The following C6orf52 variants were observed in gnomAD, a reference collection of about 807,000 sequenced individuals.
C6orf52 encodes the protein chromosome 6 open reading frame 52.
A neutral mutation model predicts 16.6 loss-of-function variants in C6orf52; 16 were observed. The ratio of observed to expected loss-of-function variants is 0.96; its 90% CI spans 0.65 to 1.46. C6orf52 has a LOEUF of 1.46. Among genes scored for constraint, C6orf52 ranks in the 40% most tolerant of loss-of-function variants. The probability of loss-of-function intolerance (pLI) is 0.00; values close to 1 mark genes in which losing one functional copy is unlikely to be tolerated. For missense variants in C6orf52, 166 were observed against 182.3 expected (o/e 0.91, Z 0.52); for synonymous variants, 53 against 61.4 (o/e 0.86, Z 0.64).
rs1404482371 is a variant in C6orf52, at chr6:10,671,426, A to G, written c.*30T>C. On this transcript the variant is annotated 3_prime_UTR_variant, in exon 5 of 5. Transcript: ENST00000259983. ...AACAAAAGACGACACAATTAGTATG[A>G]TAATTGCGGAGTTTAATGAACACCT... The G allele has an allele frequency of 1.1e-5, 16 of 1,505,416 alleles. No homozygotes were observed. The Admixed American group carries it at 2.0e-4, about 19-fold the overall frequency. 93.3% of individuals were successfully genotyped at this position (1,505,416 alleles called of 1,614,324 possible).
In C6orf52 at chr6:10,671,612, T is replaced by C. The variant is rs934979761; in HGVS notation, c.317-14A>G. 1.3e-6 allele frequency: 2 copies of C among 1,509,028 alleles called. No homozygotes were observed. Among genetic ancestry groups the C allele is most frequent in the African/African-American group, 2.8e-5 (2 of 70,586 alleles). The allele number at this position is 1,509,028 out of a possible 1,614,324, so 93.5% of individuals were successfully genotyped here. A position where few individuals can be genotyped will look rare whatever the true frequency, so the allele number is the denominator to read the frequency against. On this transcript the variant is annotated splice_polypyrimidine_tract_variant and intron_variant, in intron 4 of 4. Transcript: ENST00000259983. ...GAAGATGTGGATCTGCAGAAGCCAA[T>C]AATGGATATGAAAAAAATAGAGTTT...
At chr6:10,687,450 T>C (rs1768951572) in intron 2 of C6orf52, 30 bp downstream of exon 2, 4 of 1,452,632 alleles carry the variant, frequency 2.8e-6, no homozygotes, top group Non-Finnish European at 3.8e-6. Flanking sequence ...GTAACAGCTT[T>C]CCTTTTCAAA....
At chr6:10,678,640 G>A (rs939286024) in intron 4 of C6orf52, among the ~76,000 whole-genome samples, 5 of 152,088 alleles carry the variant, frequency 3.3e-5, no homozygotes, top group African/African-American at 1.2e-4. Context: ...GTTTCCCAGT[G>A]CATATAAAAG....
chr6:10,688,828 T>C (rs1769055734), intron 1 of C6orf52, among the ~76,000 whole-genome samples: 1 of 152,262 alleles, frequency 6.6e-6, no homozygotes, highest in African/African-American at 2.4e-5. Flanking sequence ...TGTTTTGTTT[T>C]TGAGATGGAG....
At chr6:10,686,387 C>T (rs1474321249) in intron 3 of C6orf52, among the ~76,000 whole-genome samples, 1 of 151,948 alleles carries the variant, frequency 6.6e-6, no homozygotes, top group Non-Finnish European at 1.5e-5. Context: ...ACAGTACTTT[C>T]TTCTAAGTGG....
rs200505624 is a variant in C6orf52 at position 10,687,147 on chromosome 6, C to T, written c.89G>A (p.Arg30Lys). Residue 30 changes from arginine to lysine, a missense_variant, in exon 3 of 5, where the codon AGA (arginine) becomes AAA (lysine). By Grantham distance (26) the Arg-to-Lys change is conservative. Coordinates refer to ENST00000259983, the MANE Select transcript of C6orf52 (RefSeq NM_001145020.3). Reference protein sequence around the residue: ...CYWQSLPSAIRVKQEFQPSQS... With the variant: ...CYWQSLPSAIKVKQEFQPSQS... ...GCTGGGCTGGAACTCCTGCTTCACT[C>T]TAATAGCAGAGGGGAGACTACAGGA... is the stretch of plus-strand genomic sequence containing the variant. 7 of 1,550,448 alleles carry T rather than the reference C, an allele frequency of 4.5e-6. No individual in the cohort carries two copies. In the Admixed American group the frequency reaches 1.4e-4, roughly 30 times the overall value.
At chr6:10,683,072 G>A (rs41271793) in intron 4 of C6orf52, 115 bp downstream of exon 4, 13,591 of 660,660 alleles carry the variant, frequency 0.021, 200 homozygotes, top group Non-Finnish European at 0.026. Flanking sequence ...TATGGCTTAG[G>A]CAACCTACAT....
chr6:10,679,260 C>T (rs940054194), intron 4 of C6orf52, among the ~76,000 whole-genome samples: 12 of 151,532 alleles, frequency 7.9e-5, no homozygotes, highest in Non-Finnish European at 1.0e-4. Flanking sequence ...GCCAACATGG[C>T]GAAACCCCAT....
intron 1 of C6orf52, among the ~76,000 whole-genome samples, chr6:10,692,258 G>A (rs1769385716): frequency 6.6e-6 from 1 of 152,190 alleles, no homozygotes; most frequent in African/African-American, 2.4e-5. Context: ...AAGATAAAAT[G>A]TGAAACTTAC....
intron 4 of C6orf52, among the ~76,000 whole-genome samples, chr6:10,682,788 C>A (rs558824693): frequency 6.6e-6 from 1 of 152,342 alleles, no homozygotes; most frequent in East Asian, 1.9e-4. Context: ...CAGACTGACA[C>A]TACAGTGCTG....
chr6:10,685,599 C>G (rs58147573), intron 3 of C6orf52, among the ~76,000 whole-genome samples: 1 of 152,046 alleles, frequency 6.6e-6, no homozygotes, highest in African/African-American at 2.4e-5. Flanking sequence ...GGGGGAAGTC[C>G]GTAACATTTA....
At chr6:10,689,277 G>A (rs560861122) in intron 1 of C6orf52, among the ~76,000 whole-genome samples, 1 of 152,342 alleles carries the variant, frequency 6.6e-6, no homozygotes, top group Non-Finnish European at 1.5e-5. Flanking sequence ...GGCCTCCCAA[G>A]TATTTTCAGT....
chr6:10,676,009 G>T (rs1767844079), intron 4 of C6orf52, among the ~76,000 whole-genome samples: 1 of 150,912 alleles, frequency 6.6e-6, no homozygotes, highest in Admixed American at 6.6e-5. Flanking sequence ...GCGAGTGCCT[G>T]TAATCCCAGC....
chr6:10,687,323 C>A (rs1490343954), intron 2 of C6orf52, among the ~76,000 whole-genome samples, 157 bp downstream of exon 2: 1 of 151,940 alleles, frequency 6.6e-6, no homozygotes, highest in Non-Finnish European at 1.5e-5. Context: ...AGCAAACCAC[C>A]ATGGCACGTG....
At chr6:10,687,838 C>T (rs915364348) in intron 1 of C6orf52, among the ~76,000 whole-genome samples, 4 of 152,030 alleles carry the variant, frequency 2.6e-5, no homozygotes, top group Admixed American at 1.3e-4. Flanking sequence ...TGTCAGGCAG[C>T]GGGAGCCAGC....
chr6:10,684,015 A>G (rs541615505), intron 3 of C6orf52, among the ~76,000 whole-genome samples: 1 of 152,352 alleles, frequency 6.6e-6, no homozygotes, highest in Non-Finnish European at 1.5e-5. Flanking sequence ...TGAGAGCCAA[A>G]GATCTACTAT....
intron 1 of C6orf52, among the ~76,000 whole-genome samples, chr6:10,690,193 G>C (rs757666439): frequency 6.6e-5 from 10 of 152,160 alleles, no homozygotes; most frequent in Non-Finnish European, 1.5e-4. Context: ...CAAGATCCCA[G>C]GGTAAAGATG....
At chr6:10,676,939 G>C (rs983302776) in intron 4 of C6orf52, among the ~76,000 whole-genome samples, 4 of 152,102 alleles carry the variant, frequency 2.6e-5, no homozygotes, top group African/African-American at 9.7e-5. Flanking sequence ...CTTGCATAGC[G>C]TGCAAATATT....
chr6:10,680,896 G>A (rs1020719066), intron 4 of C6orf52, among the ~76,000 whole-genome samples: 1 of 152,116 alleles, frequency 6.6e-6, no homozygotes, highest in Non-Finnish European at 1.5e-5. Context: ...AGTCTTTTGG[G>A]CACAAGCAAT....
Sources: gnomAD v4.1 joint callset for allele counts (sites outside exome capture counted in the v4.1 genomes callset) on GRCh38, gnomAD v4.1.1 for gene constraint, MANE v1.5 for transcripts, NCBI Gene and HGNC (gene_info 2026-07-23, HGNC 2026-07-21) for gene names.